ITIH2: variants seen among roughly 807,000 people sequenced by gnomAD.
The protein encoded by ITIH2 is inter-alpha-trypsin inhibitor heavy chain 2, also known as inter-alpha-trypsin inhibitor heavy chain H2.
ITIH2 carries 103 observed loss-of-function variants against 104.4 expected under a neutral mutation model. The ratio of observed to expected loss-of-function variants is 0.99; its 90% confidence interval spans 0.84 to 1.16. ITIH2 has a LOEUF of 1.16. ITIH2 is among the 50% of genes most tolerant of loss of function. The pLI, the probability that ITIH2 is intolerant of heterozygous loss-of-function variation, is 0.00. For synonymous variants in ITIH2, 436 were observed against 435.4 expected (o/e 1.00, Z -0.02); for missense variants, 1,108 against 1,162.4 (o/e 0.95, Z 0.68).
chr10:7,708,872 A>G, intron 3 of ITIH2, 150 bp from the exon 4 acceptor site: 2 of 682,928 alleles, frequency 2.9e-6, no homozygotes, highest in Non-Finnish European at 5.1e-6. Context: ...ATGCTTAACC[A>G]TACATGAATT....
intron 11 of ITIH2, among the ~76,000 whole-genome samples, chr10:7,729,249 G>T (rs946591448): frequency 6.6e-6 from 1 of 152,014 alleles, no homozygotes; most frequent in Admixed American, 6.6e-5. Flanking sequence ...GGAGGCGGAG[G>T]TTGCAGTGAG....
chr10:7,727,737 C>G lies in ITIH2; in HGVS notation c.1188C>G (p.Ile396Met). ...TNINEALLRA[I>M]FILNEANNLG... ...TCAACGAAGCACTCCTACGGGCAAT[C>G]TTCATTTTGAATGAAGCCAATAACT... is the stretch of plus-strand genomic sequence containing the variant. The change falls in exon 11 of 21, where the codon ATC becomes ATG. Residue 396 changes from isoleucine to methionine, a missense_variant. Ile to Met is a conservative substitution (Grantham distance 10). Transcript: ENST00000358415. The G allele has an allele frequency of 6.2e-7, 1 of 1,614,188 alleles. No individual in the cohort carries two copies. Among genetic ancestry groups the G allele is most frequent in the Non-Finnish European group, 8.5e-7 (1 of 1,180,010 alleles).
At chr10:7,717,556 C>G in intron 5 of ITIH2, 70 bp from the exon 6 acceptor site, 4 of 1,455,744 alleles carry the variant, frequency 2.7e-6, no homozygotes, top group East Asian at 2.3e-5. Context: ...TACATGCCCT[C>G]TGCCTAGATT....
At chr10:7,738,391 C>T (rs1277219002) in intron 15 of ITIH2, among the ~76,000 whole-genome samples, 1 of 148,660 alleles carries the variant, frequency 6.7e-6, no homozygotes, top group Non-Finnish European at 1.5e-5. Context: ...AAAGCGGTTC[C>T]TCCCACTGCC....
At chr10:7,706,939 A>G (rs1373665699) in intron 2 of ITIH2, among the ~76,000 whole-genome samples, 1 of 152,214 alleles carries the variant, frequency 6.6e-6, no homozygotes, top group African/African-American at 2.4e-5. Context: ...GAATATTTTT[A>G]TTTAAAAATT....
At chr10:7,740,724 T>G (rs1005901859) in intron 16 of ITIH2, among the ~76,000 whole-genome samples, 1 of 152,186 alleles carries the variant, frequency 6.6e-6, no homozygotes, top group Non-Finnish European at 1.5e-5. Flanking sequence ...CCCATGACCT[T>G]GTCCATACAC....
chr10:7,712,172 C>A (rs1381092455), intron 4 of ITIH2, among the ~76,000 whole-genome samples: 1 of 152,152 alleles, frequency 6.6e-6, no homozygotes, highest in Admixed American at 6.5e-5. Flanking sequence ...AGATTATAAA[C>A]AACAGAAATT....
rs1388151423 is a variant in ITIH2 at position 7,709,061 on chromosome 10, C to T, written c.232C>T (p.Gln78Ter). 6.2e-7 allele frequency: 1 copy of T among 1,613,968 alleles called. No individual in the cohort carries two copies. Among genetic ancestry groups the T allele is most frequent in the South Asian group, 1.1e-5 (1 of 91,070 alleles). ...AGTAACTCTTTATAGCTATAAAGTC[C>T]AGTCTACTATTACTTCTCGGATGGC... The part of the protein sequence containing the change: ...DQVTLYSYKV[Q>*]STITSRMATT... Residue 78 changes from glutamine to a stop codon, truncating the protein, a stop_gained, in exon 4 of 21, where the codon CAG (glutamine) becomes TAG (stop). Transcript: ENST00000358415. LOFTEE classifies it high-confidence loss of function.
At chr10:7,732,590 C>T (rs920416517) in intron 14 of ITIH2, 113 bp downstream of exon 14, 1 of 1,131,200 alleles carries the variant, frequency 8.8e-7, no homozygotes, top group Admixed American at 2.2e-5. Context: ...AGCACATTAG[C>T]ACAGGCTTGG....
chr10:7,709,560 T>C (rs1220211789), intron 4 of ITIH2, among the ~76,000 whole-genome samples: 1 of 151,498 alleles, frequency 6.6e-6, no homozygotes, highest in African/African-American at 2.4e-5. Flanking sequence ...TGTTTCTCTA[T>C]GGGAAAAAAA....
intron 10 of ITIH2, 85 bp from the exon 11 acceptor site, chr10:7,727,618 C>T: frequency 6.8e-7 from 1 of 1,471,592 alleles, no homozygotes; most frequent in South Asian, 1.2e-5. Flanking sequence ...AAGTGATCAG[C>T]CGACATATGA....
rs1398110335 is a variant in ITIH2 at position 7,746,610 on chromosome 10, C to T, written c.2599C>T (p.Pro867Ser). ...TTTGCTAGGCCAGTTCATGCAGGAACCAAAGATACACATCTTCAATGAGAG... is the reference window on the plus strand; with the variant it reads ...TTTGCTAGGCCAGTTCATGCAGGAATCAAAGATACACATCTTCAATGAGAG... ...HGLIGQFMQE[P>S]KIHIFNERPG... Residue 867 changes from proline to serine, a missense_variant, in exon 20 of 21, where the codon CCA (proline) becomes TCA (serine). Pro to Ser is a moderately conservative substitution (Grantham distance 74). Coordinates refer to ENST00000358415, the MANE Select transcript of ITIH2 (RefSeq NM_002216.3). 6.2e-7 allele frequency: 1 copy of T among 1,612,920 alleles called. No individual in the cohort carries two copies. The highest frequency in any genetic ancestry group is 1.1e-5 in the South Asian group (1 of 91,000).
At chr10:7,725,381 A>C (rs1024887720) in intron 9 of ITIH2, among the ~76,000 whole-genome samples, 3 of 152,220 alleles carry the variant, frequency 2.0e-5, no homozygotes, top group Non-Finnish European at 4.4e-5. Context: ...CTAAGTCGAA[A>C]GTGTGCAAAG....
At chr10:7,715,854 C>G (rs1834844087) in intron 5 of ITIH2, among the ~76,000 whole-genome samples, 1 of 151,706 alleles carries the variant, frequency 6.6e-6, no homozygotes, top group East Asian at 1.9e-4. Context: ...AATTTTCCTG[C>G]CTCAGCCTCC....
In ITIH2 at chr10:7,746,923, A is replaced by G. The variant is rs1835183668; in HGVS notation, c.2693+219A>G. Among the ~76,000 whole-genome samples, 5 of 152,202 alleles carry G rather than the reference A, an allele frequency of 3.3e-5. No individual in the cohort carries two copies. The South Asian group carries it at 1.0e-3, about 32-fold the overall frequency. ...GGGTATCTAGGGTCATGCAATGCCA[A>G]GATTAACTAACCTGTTGTTCTCATC... On this transcript the variant is annotated intron_variant, in intron 20 of 20. Transcript: ENST00000358415.
At chr10:7,742,155 C>T (rs550884877) in intron 16 of ITIH2, among the ~76,000 whole-genome samples, 256 of 152,180 alleles carry the variant, frequency 1.7e-3, no homozygotes, top group Non-Finnish European at 3.0e-3. Flanking sequence ...ATAGTTAACA[C>T]CAAACATTGC....
At chr10:7,728,221 A>C (rs1412224169) in intron 11 of ITIH2, among the ~76,000 whole-genome samples, 2 of 152,182 alleles carry the variant, frequency 1.3e-5, no homozygotes, top group African/African-American at 4.8e-5. Flanking sequence ...TTTGGAGGCC[A>C]CAGTAGCATA....
At position 7,731,923 on chromosome 10, in the gene ITIH2, C is replaced by T; in HGVS notation, c.1574C>T (p.Ser525Leu). Residue 525 changes from serine to leucine, a missense_variant, in exon 13 of 21, where the codon TCA becomes TTA. Transcript: ENST00000358415. ...AATTTCCATAACTACTTTGGAGGCT[C>T]AGAGATTGTGGTGGCAGGAAAATTT... Reference protein sequence around the residue: ...QNNFHNYFGGSEIVVAGKFDP... With the variant: ...QNNFHNYFGGLEIVVAGKFDP... The T allele has an allele frequency of 1.5e-5, 24 of 1,614,058 alleles. No homozygotes were observed. Among genetic ancestry groups the T allele is most frequent in the Non-Finnish European group, 1.9e-5 (23 of 1,179,966 alleles).
chr10:7,721,903 G>T, intron 8 of ITIH2, 126 bp downstream of exon 8: 1 of 956,046 alleles, frequency 1.0e-6, no homozygotes, highest in Non-Finnish European at 1.6e-6. Context: ...CTGCAGAGAA[G>T]GGACTAAAAT....
Sources: allele counts gnomAD v4.1 joint callset (sites outside exome capture counted in the v4.1 genomes callset), GRCh38; gene constraint gnomAD v4.1.1; transcripts MANE v1.5; gene names NCBI Gene and HGNC (gene_info 2026-07-23, HGNC 2026-07-21).